ZNF154: variants seen among roughly 807,000 people sequenced by gnomAD.
ZNF154 encodes zinc finger protein 154 (pHZ-92).
ZNF154 carries 6 observed loss-of-function variants against 7.5 expected under a neutral mutation model. The ratio of observed to expected loss-of-function variants is 0.80; its 90% confidence interval spans 0.44 to 1.57. The LOEUF (loss-of-function observed/expected upper bound fraction) is 1.57. Ranked by LOEUF, ZNF154 falls within the 40% of genes most tolerant of loss-of-function variation. The probability of loss-of-function intolerance (pLI) is 0.01; values close to 1 mark genes in which losing one functional copy is unlikely to be tolerated. For missense variants in ZNF154, 485 were observed against 531.4 expected, an observed-to-expected ratio of 0.91 and a Z score of 0.86; for synonymous variants, 187 against 185.9, an observed-to-expected ratio of 1.01 and a Z score of -0.05.
chr19:57,707,803 C>T (rs772408427), intron 1 of ZNF154, among the ~76,000 whole-genome samples: 2 of 152,158 alleles, frequency 1.3e-5, no homozygotes, highest in African/African-American at 2.4e-5. Context: ...CAGAGATAAC[C>T]TTTCACAAGT....
chr19:57,707,131 A>AAC (rs58750120), intron 1 of ZNF154, among the ~76,000 whole-genome samples: 3 of 148,202 alleles, frequency 2.0e-5, no homozygotes, highest in Admixed American at 1.4e-4. Flanking sequence ...AAAAAAAAAA[A>AAC]TAGAACAACC....
At chr19:57,702,901 C>T (rs1447178014) in intron 2 of ZNF154, 113 bp from the exon 3 acceptor site, 6 of 1,045,256 alleles carry the variant, frequency 5.7e-6, no homozygotes, top group African/African-American at 4.8e-5. Context: ...CCAGGCTACA[C>T]GTCTCACAGT....
rs968195598 is a variant in ZNF154, at chr19:57,697,041, G to T, written c.*4594C>A. ...TGTGACAAATGGTGCTGTCAAATTCGTATTTGAGGACTTGTTGTTGTTTAT... is the reference window on the plus strand; with the variant it reads ...TGTGACAAATGGTGCTGTCAAATTCTTATTTGAGGACTTGTTGTTGTTTAT... On this transcript the variant is annotated 3_prime_UTR_variant, in exon 3 of 3. Transcript: ENST00000684351. Among the ~76,000 whole-genome samples, 1 of 152,150 alleles carries T rather than the reference G, an allele frequency of 6.6e-6. No homozygotes were observed. The highest frequency in any genetic ancestry group is 1.5e-5 in the Non-Finnish European group (1 of 68,012).
chr19:57,697,765 A>G lies in ZNF154; in HGVS notation c.*3870T>C, dbSNP rs766355431. On this transcript the variant is annotated 3_prime_UTR_variant, in exon 3 of 3. Transcript: ENST00000684351. ...ATGATAAATGGTGAAGGAAAAAAAAATAGTGAAGGAAGACTGGAGAAAGGT... is the reference window on the plus strand; with the variant it reads ...ATGATAAATGGTGAAGGAAAAAAAAGTAGTGAAGGAAGACTGGAGAAAGGT... 1.9e-4 allele frequency: 29 copies of G among 152,150 alleles called. No individual in the cohort carries two copies. Among genetic ancestry groups the G allele is most frequent in the Non-Finnish European group, 3.1e-4 (21 of 68,022 alleles). The allele number at this position is 152,150 out of a possible 1,614,324, so 9.4% of individuals were successfully genotyped here.
intron 2 of ZNF154, among the ~76,000 whole-genome samples, chr19:57,703,204 T>C (rs1164538760): frequency 6.6e-6 from 1 of 151,112 alleles, no homozygotes; most frequent in Non-Finnish European, 1.5e-5. Context: ...ATTACAAGAA[T>C]GGGCCGGGTG....
intron 1 of ZNF154, among the ~76,000 whole-genome samples, chr19:57,707,113 C>CAAAAAAAAAAAAAAAAAAAAAAA (rs1282058157): frequency 1.1e-5 from 1 of 94,302 alleles, no homozygotes; most frequent in Non-Finnish European, 2.1e-5. Flanking sequence ...CACTCCATCT[C>CAAAAAAAAAAAAAAAAAAAAAAA]AAAAAAAAAA....
intron 2 of ZNF154, among the ~76,000 whole-genome samples, chr19:57,703,216 G>A (rs1013029940): frequency 9.1e-6 from 1 of 109,652 alleles, no homozygotes; most frequent in East Asian, 5.0e-4. Context: ...GGCCGGGTGC[G>A]GTGGCTCACA....
At position 57,696,922 on chromosome 19, in the gene ZNF154, C is replaced by T. The variant is rs1984918017; in HGVS notation, c.*4713G>A. 6.6e-6 allele frequency among the ~76,000 whole-genome samples: 1 copy of T among 152,196 alleles called. No individual in the cohort carries two copies. The highest frequency in any genetic ancestry group is 1.5e-5 in the Non-Finnish European group (1 of 68,034). On this transcript the variant is annotated 3_prime_UTR_variant, in exon 3 of 3. Transcript: ENST00000684351. ...CATCCAGCAGCCCCAAGGCAGCTCC[C>T]CTCATTATCCTCTGTCATAAAGATA...
At position 57,704,900 on chromosome 19, in the gene ZNF154, A is replaced by C; in HGVS notation, c.113T>G (p.Leu38Arg). The change falls in exon 2 of 3, where the codon CTG becomes CGG. Residue 38 changes from leucine to arginine, a missense_variant. Coordinates refer to ENST00000684351, the MANE Select transcript of ZNF154 (RefSeq NM_001085384.3). ...WGLLDEAQRC[L>R]YRDVMLENLA... ...GTTCTCCAGCATCACATCACGGTAC[A>C]GGCATCTTTGAGCCTCATCAAGGAG... 6.2e-7 allele frequency: 1 copy of C among 1,613,834 alleles called. No individual in the cohort carries two copies. Among genetic ancestry groups the C allele is most frequent in the Non-Finnish European group, 8.5e-7 (1 of 1,179,934 alleles).
At position 57,709,120 on chromosome 19, in the gene ZNF154, C is replaced by T. The variant is rs1985527200; in HGVS notation, c.-149G>A. The T allele has an allele frequency of 1.9e-6, 2 of 1,045,350 alleles. No individual in the cohort carries two copies. The highest frequency in any genetic ancestry group is 2.8e-6 in the Non-Finnish European group (2 of 710,876). 64.8% of individuals were successfully genotyped at this position (1,045,350 alleles called of 1,614,324 possible). On this transcript the variant is annotated 5_prime_UTR_variant, in exon 1 of 3. Transcript: ENST00000684351. ...TTTCGTGCAGGAGGGACGACGACTC[C>T]CCTCACGCCTTCGTGGCCCCAACTC...
At chr19:57,707,839 C>T (rs1324223858) in intron 1 of ZNF154, among the ~76,000 whole-genome samples, 1 of 152,166 alleles carries the variant, frequency 6.6e-6, no homozygotes, top group Non-Finnish European at 1.5e-5. Flanking sequence ...AAAATGGGAA[C>T]ACCTCAGTAT....
rs77158079 is a variant in ZNF154 at position 57,699,614 on chromosome 19, A to G, written c.*2021T>C. 26,705 of 179,272 alleles carry G rather than the reference A, an allele frequency of 0.15. 2,203 individuals are homozygous for G. The highest frequency in any genetic ancestry group is 0.16 in the Non-Finnish European group (12,698 of 80,220). 11.1% of individuals were successfully genotyped at this position (179,272 alleles called of 1,614,324 possible). A position where few individuals can be genotyped will look rare whatever the true frequency, so the allele number is the denominator to read the frequency against. The stretch of plus-strand genomic sequence containing the variant: ...CTGATCCTCTTACAACTACATGAGA[A>G]GTTGCCTAAGAACTCAATGTCAACC... On this transcript the variant is annotated 3_prime_UTR_variant, in exon 3 of 3. Transcript: ENST00000684351.
intron 2 of ZNF154, 43 bp downstream of exon 2, chr19:57,704,810 C>A: frequency 6.3e-7 from 1 of 1,590,924 alleles, no homozygotes; most frequent in Non-Finnish European, 8.5e-7. Flanking sequence ...AGAGGAAGGG[C>A]ACAGACTAGC....
rs1470908096 is a variant in ZNF154 at position 57,700,844 on chromosome 19, C to A, written c.*791G>T. Reference sequence around the variant, plus strand: ...TATTCTGCCATCCTACTGTCCCTGTCCCTGTCCCTGTTGAGCTACACAATG... The same window carrying A: ...TATTCTGCCATCCTACTGTCCCTGTACCTGTCCCTGTTGAGCTACACAATG... On this transcript the variant is annotated 3_prime_UTR_variant, in exon 3 of 3. Coordinates refer to ENST00000684351, the MANE Select transcript of ZNF154 (RefSeq NM_001085384.3). 6.6e-6 allele frequency: 1 copy of A among 152,092 alleles called. No homozygotes were observed. The highest frequency in any genetic ancestry group is 1.5e-5 in the Non-Finnish European group (1 of 68,052). The allele number at this position is 152,092 out of a possible 1,614,324, so 9.4% of individuals were successfully genotyped here.
rs538988324 is a variant in ZNF154, at chr19:57,699,245, G to A, written c.*2390C>T. The A allele has an allele frequency of 2.3e-4, 35 of 153,668 alleles. No homozygotes were observed. Among genetic ancestry groups the A allele is most frequent in the African/African-American group, 6.7e-4 (28 of 41,484 alleles). 9.5% of individuals were successfully genotyped at this position (153,668 alleles called of 1,614,324 possible). A position where few individuals can be genotyped will look rare whatever the true frequency, so the allele number is the denominator to read the frequency against. On this transcript the variant is annotated 3_prime_UTR_variant, in exon 3 of 3. Coordinates refer to ENST00000684351, the MANE Select transcript of ZNF154 (RefSeq NM_001085384.3). ...TGGGACTACAGGCACATGCCACCAC[G>A]CCCGGCTAATTTTTGTATTTTTAGT...
At chr19:57,706,410 A>G (rs961021561) in intron 1 of ZNF154, among the ~76,000 whole-genome samples, 1 of 152,116 alleles carries the variant, frequency 6.6e-6, no homozygotes, top group Non-Finnish European at 1.5e-5. Flanking sequence ...ACACTCAAAG[A>G]CTAGCTCCAC....
In ZNF154 at chr19:57,700,663, G is replaced by T. The variant is rs1295353889; in HGVS notation, c.*972C>A. On this transcript the variant is annotated 3_prime_UTR_variant, in exon 3 of 3. Transcript: ENST00000684351. ...CTTGTGAACAAGAGAACAATTTCAT[G>T]TTGCTTTCAGAAACATCAAAGGATG... The T allele has an allele frequency of 1.3e-5, 2 of 152,228 alleles. No homozygotes were observed. The highest frequency in any genetic ancestry group is 4.8e-5 in the African/African-American group (2 of 41,448). 9.4% of individuals were successfully genotyped at this position (152,228 alleles called of 1,614,324 possible). A position where few individuals can be genotyped will look rare whatever the true frequency, so the allele number is the denominator to read the frequency against.
chr19:57,708,553 A>G (rs561998697), intron 1 of ZNF154, among the ~76,000 whole-genome samples: 5 of 152,236 alleles, frequency 3.3e-5, no homozygotes, highest in Admixed American at 2.0e-4. Context: ...AGCCTGGGCG[A>G]TAAGAGCGAA....
rs774727199 is a variant in ZNF154, at chr19:57,702,369, ACT to A, written c.578_579del (p.Glu193ValfsTer6). On this transcript the variant is annotated frameshift_variant, in exon 3 of 3. Coordinates refer to ENST00000684351, the MANE Select transcript of ZNF154 (RefSeq NM_001085384.3). LOFTEE classifies it low-confidence loss of function (END_TRUNC). ...GAGCTTTGCCTAAAGGACTTCCCAC[ACT>A]CTCGACATTCATAAGGCTTTTCTCC... ...HTGEKPYECRECGKSFRQSSS... is the reference protein window; with the variant it reads ...HTGEKPYECRXCGKSFRQSSS... 1.2e-6 allele frequency: 2 copies of A among 1,612,454 alleles called. No homozygotes were observed. Among genetic ancestry groups the A allele is most frequent in the South Asian group, 2.2e-5 (2 of 91,032 alleles).
Sources: allele counts gnomAD v4.1 joint callset (sites outside exome capture counted in the v4.1 genomes callset), GRCh38; gene constraint gnomAD v4.1.1; transcripts MANE v1.5; gene names NCBI Gene and HGNC (gene_info 2026-07-23, HGNC 2026-07-21).